WDFY3: variants seen among roughly 807,000 people sequenced by gnomAD.
The protein encoded by WDFY3 is WD repeat and FYVE domain containing 3, also known as WD repeat and FYVE domain-containing protein 3.
Under a neutral mutation model 409.6 loss-of-function variants are expected in WDFY3, and 66 were observed. That is an observed-to-expected ratio of 0.16 (90% CI 0.13 to 0.20). The LOEUF is 0.20. Ranked by LOEUF, WDFY3 falls within the 10% of genes least tolerant of loss-of-function variation. The pLI, the probability that WDFY3 is intolerant of heterozygous loss-of-function variation, is 1.00. For missense variants in WDFY3, 3,031 were observed against 4,298.1 expected (o/e 0.71, Z 8.24); for synonymous variants, 1,521 against 1,537.1 (o/e 0.99, Z 0.25).
At chr4:84,739,405 G>A (rs890421992) in intron 39 of WDFY3, 2 of 320,374 alleles carry the variant, frequency 6.2e-6, no homozygotes, top group African/African-American at 2.1e-5. Context: ...ATTACAAAAT[G>A]TTCATTCAAC....
chr4:84,953,487 T>C (rs576563763), intron 1 of WDFY3, among the ~76,000 whole-genome samples: 11 of 152,264 alleles, frequency 7.2e-5, no homozygotes, highest in African/African-American at 1.2e-4. Flanking sequence ...TGTTTCACCA[T>C]TGTAAACATT....
At chr4:84,731,798 CA>C (rs989664853) in intron 44 of WDFY3, among the ~76,000 whole-genome samples, 4 of 152,132 alleles carry the variant, frequency 2.6e-5, no homozygotes. Flanking sequence ...ATAGATAAAA[CA>C]TATTATGGTT....
intron 5 of WDFY3, among the ~76,000 whole-genome samples, chr4:84,844,840 G>A (rs1472112748): frequency 6.6e-6 from 1 of 152,078 alleles, no homozygotes; most frequent in Non-Finnish European, 1.5e-5. Context: ...ATACAATCTG[G>A]CCACAACATT....
At chr4:84,770,933 G>A (rs1432260308) in intron 30 of WDFY3, among the ~76,000 whole-genome samples, 1 of 152,076 alleles carries the variant, frequency 6.6e-6, no homozygotes, top group Non-Finnish European at 1.5e-5. Flanking sequence ...CTAGCAATTT[G>A]CTTCTGACTT....
intron 5 of WDFY3, among the ~76,000 whole-genome samples, chr4:84,847,601 C>T (rs1281922835): frequency 8.8e-6 from 1 of 113,628 alleles, no homozygotes; most frequent in East Asian, 2.5e-4. Context: ...CCCGTCTCTA[C>T]TAAAAAAAAA....
intron 3 of WDFY3, among the ~76,000 whole-genome samples, chr4:84,870,359 CAG>C (rs1405477718): frequency 1.3e-5 from 2 of 152,062 alleles, no homozygotes; most frequent in Admixed American, 6.6e-5. Context: ...CCCAGAAATC[CAG>C]AGTCACAGGT....
At chr4:84,769,739 T>A (rs889367831) in intron 30 of WDFY3, among the ~76,000 whole-genome samples, 5 of 152,138 alleles carry the variant, frequency 3.3e-5, no homozygotes, top group African/African-American at 1.2e-4. Flanking sequence ...ATTATTTTTT[T>A]AATTGACATA....
At chr4:84,941,891 C>A (rs1335750078) in intron 1 of WDFY3, among the ~76,000 whole-genome samples, 2 of 151,804 alleles carry the variant, frequency 1.3e-5, no homozygotes, top group Middle Eastern at 3.2e-3. Context: ...TGATTTTTGA[C>A]AAAGATGTCA....
At chr4:84,901,141 A>C (rs1352630813) in intron 2 of WDFY3, among the ~76,000 whole-genome samples, 5 of 152,204 alleles carry the variant, frequency 3.3e-5, no homozygotes, top group African/African-American at 1.2e-4. Context: ...GAAGGGTCTT[A>C]ATCCCATTGA....
At chr4:84,903,824 C>T (rs1287943355) in intron 2 of WDFY3, among the ~76,000 whole-genome samples, 1 of 152,188 alleles carries the variant, frequency 6.6e-6, no homozygotes, top group Non-Finnish European at 1.5e-5. Flanking sequence ...AGACACTACG[C>T]TATACACATG....
chr4:84,900,484 A>G (rs1483511379), intron 2 of WDFY3, among the ~76,000 whole-genome samples: 2 of 152,202 alleles, frequency 1.3e-5, no homozygotes, highest in South Asian at 2.1e-4. Flanking sequence ...AAGTGCTGAG[A>G]TTACAGTCAT....
At chr4:84,743,965 C>T (rs567344504) in intron 36 of WDFY3, among the ~76,000 whole-genome samples, 166 bp from the exon 37 acceptor site, 2 of 151,290 alleles carry the variant, frequency 1.3e-5, no homozygotes, top group East Asian at 1.9e-4. Flanking sequence ...TGGTCTTTCA[C>T]GTATTTTCTG....
intron 2 of WDFY3, among the ~76,000 whole-genome samples, chr4:84,913,090 AC>A (rs964806610): frequency 5.3e-5 from 8 of 152,170 alleles, no homozygotes; most frequent in Non-Finnish European, 7.3e-5. Context: ...GCCCTTGGCC[AC>A]CCAGAACCTC....
At position 84,702,349 on chromosome 4, in the gene WDFY3, G is replaced by A. The variant is rs940440078; in HGVS notation, c.8596+4C>T. 24 of 1,602,514 alleles carry A rather than the reference G, an allele frequency of 1.5e-5. No individual in the cohort carries two copies. The highest frequency in any genetic ancestry group is 2.2e-5 in the East Asian group (1 of 44,792). On this transcript the variant is annotated splice_donor_region_variant and intron_variant, in intron 56 of 67. Transcript: ENST00000295888. The stretch of plus-strand genomic sequence containing the variant: ...TCCTAAGACAGTGCCATAGCTCTAC[G>A]TACCTAGATCAAAGTTGTTGGAATT...
At chr4:84,953,268 A>G (rs1773835500) in intron 1 of WDFY3, among the ~76,000 whole-genome samples, 1 of 152,148 alleles carries the variant, frequency 6.6e-6, no homozygotes, top group Admixed American at 6.5e-5. Flanking sequence ...CAGAGAATAA[A>G]ACTAGTTATG....
intron 44 of WDFY3, among the ~76,000 whole-genome samples, chr4:84,730,314 A>C (rs957053199): frequency 2.6e-5 from 4 of 152,224 alleles, no homozygotes; most frequent in African/African-American, 7.2e-5. Flanking sequence ...AAAGGAAAAA[A>C]GTCTATAACT....
At chr4:84,836,427 A>G (rs1465324164) in intron 7 of WDFY3, among the ~76,000 whole-genome samples, 1 of 152,120 alleles carries the variant, frequency 6.6e-6, no homozygotes, top group African/African-American at 2.4e-5. Flanking sequence ...ACATTTGTTA[A>G]CCCACAATGC....
chr4:84,752,152 A>G (rs184213934), intron 35 of WDFY3, among the ~76,000 whole-genome samples: 1 of 149,050 alleles, frequency 6.7e-6, no homozygotes, highest in Admixed American at 6.7e-5. Context: ...AAATAAATTT[A>G]AAAAAAAAAC....
chr4:84,681,155 T>C (rs997037232), intron 64 of WDFY3, among the ~76,000 whole-genome samples: 7 of 152,156 alleles, frequency 4.6e-5, no homozygotes, highest in African/African-American at 1.7e-4. Context: ...CACTTCTACA[T>C]TGTTCAATCC....
Sources: gnomAD v4.1 joint callset for allele counts (sites outside exome capture counted in the v4.1 genomes callset) on GRCh38, gnomAD v4.1.1 for gene constraint, MANE v1.5 for transcripts, NCBI Gene and HGNC (gene_info 2026-07-23, HGNC 2026-07-21) for gene names.